SHANK2: variants seen among roughly 807,000 people sequenced by gnomAD.
SHANK2 encodes the protein SH3 and multiple ankyrin repeat domains 2, also known as SH3 and multiple ankyrin repeat domains protein 2.
SHANK2 carries 43 observed loss-of-function variants against 133.7 expected under a neutral mutation model. The observed-to-expected ratio is 0.32, with a 90% CI of 0.25 to 0.41. SHANK2 has a LOEUF of 0.41. Ranked by LOEUF, SHANK2 falls within the 10% of genes least tolerant of loss-of-function variation. The pLI is 1.00. For synonymous variants in SHANK2, 1,017 were observed against 952.8 expected (o/e 1.07, Z -1.24); for missense variants, 1,994 against 2,235.8 (o/e 0.89, Z 2.18).
chr11:70,680,725 C>T (rs1945011726), intron 15 of SHANK2, among the ~76,000 whole-genome samples: 1 of 152,184 alleles, frequency 6.6e-6, no homozygotes, highest in East Asian at 1.9e-4. Context: ...GGCCATGCCA[C>T]CCCAGCCTCT....
intron 3 of SHANK2, among the ~76,000 whole-genome samples, chr11:71,131,357 G>C (rs1291001258): frequency 1.3e-5 from 2 of 152,292 alleles, no homozygotes; most frequent in South Asian, 4.1e-4. Context: ...CAGCCTAGTC[G>C]GGGGGTGCTG....
chr11:70,550,298 G>A (rs535148178), intron 17 of SHANK2, among the ~76,000 whole-genome samples: 1 of 152,274 alleles, frequency 6.6e-6, no homozygotes, highest in Admixed American at 6.5e-5. Flanking sequence ...TGTCAGTTAG[G>A]CAGAGGAGAC....
chr11:70,747,940 T>C (rs1230969834), intron 14 of SHANK2, among the ~76,000 whole-genome samples: 1 of 152,078 alleles, frequency 6.6e-6, no homozygotes, highest in Admixed American at 6.5e-5. Flanking sequence ...AATGTGTGTG[T>C]ATACATGGAC....
intron 14 of SHANK2, among the ~76,000 whole-genome samples, chr11:70,780,118 G>A (rs1297522603): frequency 6.6e-6 from 1 of 152,168 alleles, no homozygotes; most frequent in African/African-American, 2.4e-5. Flanking sequence ...GAGCTCCCTG[G>A]GGATACCATT....
chr11:71,101,858 T>TG (rs1460794137), intron 6 of SHANK2, among the ~76,000 whole-genome samples: 1 of 152,010 alleles, frequency 6.6e-6, no homozygotes, highest in African/African-American at 2.4e-5. Context: ...AAGCCGGAGT[T>TG]GGGGGGCGGC....
chr11:71,147,921 A>G (rs1952687802), intron 2 of SHANK2, among the ~76,000 whole-genome samples: 1 of 152,202 alleles, frequency 6.6e-6, no homozygotes, highest in Non-Finnish European at 1.5e-5. Flanking sequence ...CCAGGACTGG[A>G]GTGGAACCAA....
At chr11:70,679,806 G>A (rs556705751) in intron 15 of SHANK2, among the ~76,000 whole-genome samples, 1 of 152,358 alleles carries the variant, frequency 6.6e-6, no homozygotes, top group African/African-American at 2.4e-5. Context: ...CTGGCCCATG[G>A]AGTGACAACT....
At chr11:70,751,708 A>G (rs565029104) in intron 14 of SHANK2, among the ~76,000 whole-genome samples, 1 of 152,218 alleles carries the variant, frequency 6.6e-6, no homozygotes. Flanking sequence ...GGTTTAATAC[A>G]CGTGATAGCT....
At chr11:70,591,132 A>T (rs1554987946) in intron 17 of SHANK2, among the ~76,000 whole-genome samples, 1 of 152,138 alleles carries the variant, frequency 6.6e-6, no homozygotes, top group Non-Finnish European at 1.5e-5. Flanking sequence ...ACTGGACCTC[A>T]CTTGAGGTCA....
In SHANK2 at chr11:70,661,811, G is replaced by A. The variant is rs782254395; in HGVS notation, c.1854-133C>T. 3 of 1,611,684 alleles carry A rather than the reference G, an allele frequency of 1.9e-6. No individual in the cohort carries two copies. The African/African-American group carries it at 4.0e-5, about 22-fold the overall frequency. ...GCTCGCCAGATCCAGGCAGCATGGA[G>A]GAAAGGAGGCAGCGAGGGTGCAGGA... On this transcript the variant is annotated intron_variant, in intron 15 of 25. Transcript: ENST00000601538.
At chr11:71,148,063 C>T (rs1287599398) in intron 2 of SHANK2, among the ~76,000 whole-genome samples, 4 of 151,076 alleles carry the variant, frequency 2.6e-5, no homozygotes, top group African/African-American at 9.8e-5. Flanking sequence ...TGCCAATGGC[C>T]ACCTTAGACC....
chr11:71,248,157 T>C (rs932744746), intron 1 of SHANK2, among the ~76,000 whole-genome samples: 2 of 152,206 alleles, frequency 1.3e-5, no homozygotes, highest in East Asian at 3.9e-4. Flanking sequence ...AACCCTAGAA[T>C]GCAGGGAAGG....
intron 14 of SHANK2, among the ~76,000 whole-genome samples, chr11:70,747,135 G>A (rs1051810185): frequency 6.6e-6 from 1 of 151,822 alleles, no homozygotes; most frequent in Non-Finnish European, 1.5e-5. Context: ...ACAAGCCCGA[G>A]GTGGTAAGAC....
chr11:71,187,388 A>G (rs1436007177), intron 2 of SHANK2, among the ~76,000 whole-genome samples: 5 of 150,986 alleles, frequency 3.3e-5, no homozygotes, highest in Non-Finnish European at 5.9e-5. Context: ...TTTTGTTTGG[A>G]GACAGTTTTT....
intron 8 of SHANK2, among the ~76,000 whole-genome samples, chr11:71,085,139 G>T (rs1363791430): frequency 1.3e-5 from 2 of 152,020 alleles, no homozygotes; most frequent in African/African-American, 2.4e-5. Context: ...CTGTTTTAAT[G>T]ATATCAGTGA....
intron 17 of SHANK2, among the ~76,000 whole-genome samples, chr11:70,617,220 G>A (rs1474713901): frequency 2.6e-5 from 4 of 151,796 alleles, no homozygotes; most frequent in African/African-American, 9.7e-5. Context: ...GTCTGAGTGT[G>A]TTGTGTGTGT....
At chr11:70,753,283 A>C (rs987547570) in intron 14 of SHANK2, among the ~76,000 whole-genome samples, 3 of 152,218 alleles carry the variant, frequency 2.0e-5, no homozygotes, top group Non-Finnish European at 2.9e-5. Context: ...ACAGAGGACA[A>C]GTCAGCAAGG....
intron 1 of SHANK2, among the ~76,000 whole-genome samples, chr11:71,247,203 T>G (rs1293624322): frequency 2.6e-5 from 4 of 152,196 alleles, no homozygotes; most frequent in Non-Finnish European, 5.9e-5. Flanking sequence ...AAAGTGGCTG[T>G]GAGTCACGAT....
chr11:70,776,674 A>G (rs78866540), intron 14 of SHANK2, among the ~76,000 whole-genome samples: 2,244 of 152,100 alleles, frequency 0.015, 26 homozygotes, highest in Non-Finnish European at 0.022. Flanking sequence ...CCATCCATCC[A>G]TCTACCTAGT....
Sources: gnomAD v4.1 joint callset for allele counts (sites outside exome capture counted in the v4.1 genomes callset) on GRCh38, gnomAD v4.1.1 for gene constraint, MANE v1.5 for transcripts, NCBI Gene and HGNC (gene_info 2026-07-23, HGNC 2026-07-21) for gene names.